CNBD1: variants seen among roughly 807,000 people sequenced by gnomAD.
CNBD1 encodes the protein cyclic nucleotide binding domain containing 1, also known as cyclic nucleotide-binding domain-containing protein 1.
CNBD1 carries 71 observed loss-of-function variants against 54.4 expected under a neutral mutation model. The ratio of observed to expected loss-of-function variants is 1.30; its 90% confidence interval spans 1.08 to 1.59. The LOEUF is 1.59. Ranked by LOEUF, CNBD1 falls within the 40% of genes most tolerant of loss-of-function variation. CNBD1 has a pLI of 0.00. For synonymous variants in CNBD1, 182 were observed against 170.7 expected (o/e 1.07, Z -0.51); for missense variants, 659 against 518.0 (o/e 1.27, Z -2.64).
intron 4 of CNBD1, among the ~76,000 whole-genome samples, chr8:87,194,983 A>C (rs1478924951): frequency 1.3e-5 from 2 of 151,930 alleles, no homozygotes; most frequent in Non-Finnish European, 1.5e-5. Context: ...TCCTGGGTTC[A>C]AGCAATTCTC....
intron 8 of CNBD1, among the ~76,000 whole-genome samples, chr8:87,306,419 GTTA>G (rs1159641440): frequency 1.3e-5 from 2 of 152,138 alleles, no homozygotes; most frequent in Non-Finnish European, 2.9e-5. Flanking sequence ...AAGAAAATAA[GTTA>G]TTATTCGAAA....
intron 6 of CNBD1, among the ~76,000 whole-genome samples, chr8:87,275,532 C>A (rs1040705826): frequency 6.6e-6 from 1 of 151,598 alleles, no homozygotes; most frequent in South Asian, 2.1e-4. Context: ...ACACTTCATG[C>A]TAAAAACTCT....
At chr8:87,096,626 A>AT (rs145533028) in intron 4 of CNBD1, among the ~76,000 whole-genome samples, 2,237 of 152,264 alleles carry the variant, frequency 0.015, 56 homozygotes, top group African/African-American at 0.05. Flanking sequence ...CCTTCCACAC[A>AT]TGCCTGCCTT....
chr8:87,207,233 A>G (rs1355942262), intron 5 of CNBD1, among the ~76,000 whole-genome samples: 2 of 152,172 alleles, frequency 1.3e-5, no homozygotes. Flanking sequence ...CACTGAAAAC[A>G]TATTTGTAAC....
In CNBD1 at chr8:87,388,899, A is replaced by G. The variant is rs150357907; in HGVS notation, c.213+35113A>G. ...CAGCAGCACATCAAAAAGCTTATCC[A>G]ACATGATCAAGTGGGCTTCATCCCT... On this transcript the variant is annotated intron_variant, in intron 2 of 7. Coordinates refer to the CNBD1 transcript ENST00000521593. Among the ~76,000 whole-genome samples, 1,481 of 152,322 alleles carry G rather than the reference A, an allele frequency of 9.7e-3. 21 individuals are homozygous for G. The highest frequency in any genetic ancestry group is 0.033 in the African/African-American group (1,365 of 41,578).
chr8:87,355,875 G>T (rs1332567207), intron 10 of CNBD1, among the ~76,000 whole-genome samples: 2 of 152,040 alleles, frequency 1.3e-5, no homozygotes, highest in Non-Finnish European at 2.9e-5. Context: ...GAGGTTTTTG[G>T]GTCAAGGAGA....
intron 2 of CNBD1, among the ~76,000 whole-genome samples, chr8:87,398,308 A>G (rs992764613): frequency 2.6e-5 from 4 of 151,612 alleles, no homozygotes; most frequent in African/African-American, 7.3e-5. Context: ...GTACCATCCA[A>G]TTTTATTCCT....
chr8:87,347,286 TC>T (rs1283873886), intron 8 of CNBD1, among the ~76,000 whole-genome samples: 1 of 152,206 alleles, frequency 6.6e-6, no homozygotes, highest in African/African-American at 2.4e-5. Context: ...GCCACCATAT[TC>T]TGAGCTTTTC....
intron 8 of CNBD1, among the ~76,000 whole-genome samples, chr8:87,317,751 A>G (rs1185533365): frequency 6.6e-6 from 1 of 151,970 alleles, no homozygotes; most frequent in Non-Finnish European, 1.5e-5. Flanking sequence ...TTTATCAAAT[A>G]TTGGGTGGAA....
rs527914369 is a variant in CNBD1, at chr8:87,225,504, G to A, written c.578-11415G>A. 1.1e-3 allele frequency among the ~76,000 whole-genome samples: 167 copies of A among 150,464 alleles called. 1 individual carries two copies. The highest frequency in any genetic ancestry group is 3.9e-3 in the African/African-American group (160 of 41,194). On this transcript the variant is annotated intron_variant, in intron 5 of 10. Coordinates refer to ENST00000518476, the MANE Select transcript of CNBD1 (RefSeq NM_173538.3). ...CTGCATCTATTGAGATAATCATGTG[G>A]TTTTTGTCTTTGGTTCTGTTTATAT...
chr8:87,152,376 T>G (rs1812622506), intron 4 of CNBD1, among the ~76,000 whole-genome samples: 1 of 151,532 alleles, frequency 6.6e-6, no homozygotes, highest in Non-Finnish European at 1.5e-5. Flanking sequence ...ATGGGCCACA[T>G]TGGAAGAAGA....
chr8:87,378,612 G>A (rs1182231153), intron 10 of CNBD1, among the ~76,000 whole-genome samples: 34 of 148,714 alleles, frequency 2.3e-4, no homozygotes, highest in Non-Finnish European at 4.2e-4. Flanking sequence ...TGTTCTTTTG[G>A]CTTAGGATTG....
intron 2 of CNBD1, among the ~76,000 whole-genome samples, chr8:87,393,322 C>A (rs1471153196): frequency 1.3e-5 from 2 of 151,798 alleles, no homozygotes; most frequent in Non-Finnish European, 2.9e-5. Context: ...ATAATATTCT[C>A]CCTCCAGAAA....
intron 4 of CNBD1, among the ~76,000 whole-genome samples, chr8:87,127,827 C>T (rs1169093064): frequency 6.6e-6 from 1 of 151,962 alleles, no homozygotes; most frequent in Non-Finnish European, 1.5e-5. Context: ...GGATGGTTCC[C>T]CAGCAAAGGC....
chr8:87,346,840 G>A (rs1397112853), intron 8 of CNBD1, among the ~76,000 whole-genome samples: 1 of 152,052 alleles, frequency 6.6e-6, no homozygotes, highest in Admixed American at 6.6e-5. Flanking sequence ...ACCCAGTATG[G>A]TTTGAAAATG....
At chr8:87,319,797 G>A (rs532680152) in intron 8 of CNBD1, among the ~76,000 whole-genome samples, 7 of 152,028 alleles carry the variant, frequency 4.6e-5, no homozygotes, top group South Asian at 4.1e-4. Flanking sequence ...TCAAAAAAGC[G>A]TTTCTATATA....
chr8:87,038,558 A>C (rs954715577), intron 4 of CNBD1, among the ~76,000 whole-genome samples: 1 of 152,186 alleles, frequency 6.6e-6, no homozygotes. Flanking sequence ...TAGGTTCTAC[A>C]ATAGTGATGT....
intron 2 of CNBD1, among the ~76,000 whole-genome samples, chr8:87,397,947 C>A (rs1012043300): frequency 6.6e-6 from 1 of 151,968 alleles, no homozygotes. Context: ...TAAGATGTGA[C>A]TTGCTCCTCC....
intron 4 of CNBD1, among the ~76,000 whole-genome samples, chr8:87,121,950 C>G (rs138188753): frequency 6.6e-6 from 1 of 151,098 alleles, no homozygotes; most frequent in East Asian, 2.0e-4. Flanking sequence ...ATGACAGATA[C>G]TTTATCCTTT....
Sources: allele counts gnomAD v4.1 joint callset (sites outside exome capture counted in the v4.1 genomes callset), GRCh38; gene constraint gnomAD v4.1.1; transcripts MANE v1.5; gene names NCBI Gene and HGNC (gene_info 2026-07-23, HGNC 2026-07-21).